XG: variants seen among roughly 807,000 people sequenced by gnomAD.
XG encodes glycoprotein Xg.
In XG, 24 loss-of-function variants were observed where a neutral mutation model predicts 25.7. The ratio of observed to expected loss-of-function variants is 0.93; its 90% confidence interval spans 0.68 to 1.31. The LOEUF is 1.31. Ranked by LOEUF, XG falls within the 40% of genes most tolerant of loss-of-function variation. XG has a pLI of 0.00. For missense variants in XG, 181 were observed against 187.6 expected (o/e 0.96, Z 0.21); for synonymous variants, 77 against 69.2 (o/e 1.11, Z -0.56).
At chrX:2,804,731 T>C (rs2086978099) in intron 7 of XG, among the ~76,000 whole-genome samples, 2 of 111,578 alleles carry the variant, frequency 1.8e-5, no homozygotes, top group South Asian at 7.8e-4. Flanking sequence ...TCCTGTGAAG[T>C]TAGTCTCGGG....
intron 10 of XG, among the ~76,000 whole-genome samples, chrX:2,814,011 G>T (rs1440681836): frequency 1.8e-5 from 2 of 112,205 alleles, no homozygotes; most frequent in Non-Finnish European, 3.8e-5. Flanking sequence ...ATATATTTAA[G>T]ATGTACAACT....
At chrX:2,787,112 A>G (rs781022921) in intron 4 of XG, among the ~76,000 whole-genome samples, 233 of 109,251 alleles carry the variant, frequency 2.1e-3, no homozygotes, top group Non-Finnish European at 3.2e-3. Flanking sequence ...GAGAGGCCTC[A>G]GGAGGAATCA....
At chrX:2,766,064 A>C (rs1439651720) in intron 1 of XG, among the ~76,000 whole-genome samples, 1 of 152,186 alleles carries the variant, frequency 6.6e-6, no homozygotes, top group East Asian at 1.9e-4. Context: ...GGTTGGACAA[A>C]AAGGGCCTGA....
At chrX:2,762,300 T>G (rs1447431271) in intron 1 of XG, among the ~76,000 whole-genome samples, 1 of 152,198 alleles carries the variant, frequency 6.6e-6, no homozygotes, top group Non-Finnish European at 1.5e-5. Flanking sequence ...ATTACCAATG[T>G]CTGCTCTAAT....
At chrX:2,779,845 C>T (rs1303817186) in intron 3 of XG, among the ~76,000 whole-genome samples, 3 of 152,098 alleles carry the variant, frequency 2.0e-5, no homozygotes, top group East Asian at 3.9e-4. Context: ...CGGGTTTTAA[C>T]CATGTTGTCC....
intron 2 of XG, among the ~76,000 whole-genome samples, chrX:2,773,812 A>G (rs1172286753): frequency 7.3e-6 from 1 of 137,642 alleles, no homozygotes; most frequent in Non-Finnish European, 1.6e-5. Context: ...GGAGAGAAGG[A>G]AGGAAGGAGA....
Position 2,814,729 on chromosome X carries a change from G to A in XG, c.*349G>A, listed in dbSNP as rs1464714702. 2.3e-5 allele frequency: 4 copies of A among 172,981 alleles called. No individual in the cohort carries two copies. Among genetic ancestry groups the A allele is most frequent in the Middle Eastern group, 2.0e-3 (1 of 496 alleles). The allele number at this position is 172,981 out of a possible 1,213,427, so 14.3% of individuals were successfully genotyped here. A position where few individuals can be genotyped will look rare whatever the true frequency, so the allele number is the denominator to read the frequency against. ...CGCTTAACCATGTTGATGGCACAAA[G>A]CGGTGAGCAGTAGGGAGGTAGAATA... On this transcript the variant is annotated 3_prime_UTR_variant, in exon 11 of 11. Transcript: ENST00000644266.
chrX:2,808,194 A>T lies in XG; in HGVS notation c.428A>T (p.His143Leu). The T allele has an allele frequency of 8.3e-7, 1 of 1,211,142 alleles. No homozygotes were observed. The highest frequency in any genetic ancestry group is 1.1e-6 in the Non-Finnish European group (1 of 895,267). Residue 143 changes from histidine (H) to leucine (L), a missense_variant, in exon 9 of 11, where the codon CAC becomes CTC. His to Leu is a moderately conservative substitution (Grantham distance 99, BLOSUM62 -3). Coordinates refer to ENST00000644266, the MANE Select transcript of XG (RefSeq NM_001141919.2). Reference sequence around the variant, plus strand: ...CCTTTTCCGCTTACAGGTGGAGATCACCATTCAACGTATGGCAATCCAGAA... The same window carrying T: ...CCTTTTCCGCTTACAGGTGGAGATCTCCATTCAACGTATGGCAATCCAGAA... ...SRYGNTYGGD[H>L]HSTYGNPEGN...
At chrX:2,773,464 AG>A (rs200459136) in intron 2 of XG, among the ~76,000 whole-genome samples, 4 of 141,972 alleles carry the variant, frequency 2.8e-5, no homozygotes, top group African/African-American at 5.2e-5. Flanking sequence ...GGAAAGAAGA[AG>A]GGGGAAAAGG....
intron 1 of XG, among the ~76,000 whole-genome samples, chrX:2,765,378 GA>G (rs2050661158): frequency 1.1e-4 from 4 of 37,046 alleles, no homozygotes; most frequent in Non-Finnish European, 3.7e-4. Flanking sequence ...GGGAGGGAGG[GA>G]AGGAAGGAAG....
chrX:2,773,905 G>A (rs764089812), intron 2 of XG, among the ~76,000 whole-genome samples: 2 of 152,126 alleles, frequency 1.3e-5, no homozygotes, highest in East Asian at 3.9e-4. Flanking sequence ...AAAAGGTGAT[G>A]AGAAACCTTC....
chrX:2,777,424 A>G (rs187783620), intron 3 of XG, among the ~76,000 whole-genome samples: 3 of 152,092 alleles, frequency 2.0e-5, no homozygotes, highest in Admixed American at 1.3e-4. Context: ...AAAAATGAAG[A>G]GTAAAATTAA....
At position 2,761,647 on chromosome X, in the gene XG, T is replaced by A. The variant is rs760013177; in HGVS notation, c.62-8903T>A. 2.3e-3 allele frequency among the ~76,000 whole-genome samples: 352 copies of A among 150,504 alleles called. 1 individual carries two copies. Among genetic ancestry groups the A allele is most frequent in the Non-Finnish European group, 2.1e-3 (142 of 67,618 alleles). On this transcript the variant is annotated intron_variant, in intron 1 of 10. Transcript: ENST00000644266. Reference sequence around the variant, plus strand: ...GGGCTGTGGGAGAATCAATGTCTGTTGCTTATAAGCCACCCAGTCTATGGT... The same window carrying A: ...GGGCTGTGGGAGAATCAATGTCTGTAGCTTATAAGCCACCCAGTCTATGGT...
chrX:2,788,371 A>C (rs949130856), intron 4 of XG, among the ~76,000 whole-genome samples: 1 of 112,547 alleles, frequency 8.9e-6, no homozygotes, highest in Admixed American at 9.4e-5. Flanking sequence ...ATGTCGTGCA[A>C]AGAGCTTGCA....
intron 3 of XG, among the ~76,000 whole-genome samples, chrX:2,777,767 T>A (rs2051032467): frequency 6.6e-6 from 1 of 152,086 alleles, no homozygotes; most frequent in Non-Finnish European, 1.5e-5. Flanking sequence ...ATGATGCAAT[T>A]TAAAATGTTT....
At chrX:2,770,498 G>T (rs2050793826) in intron 1 of XG, 52 bp from the exon 2 acceptor site, 5 of 1,608,912 alleles carry the variant, frequency 3.1e-6, no homozygotes, top group Non-Finnish European at 4.3e-6. Context: ...GAACAAGGGG[G>T]ATTCTGGCCT....
At chrX:2,774,978 T>A (rs1214967389) in intron 3 of XG, 2 of 576,412 alleles carry the variant, frequency 3.5e-6, no homozygotes, top group Non-Finnish European at 6.3e-6. Context: ...AAATAACAAG[T>A]GTTGGCAAGG....
At chrX:2,774,077 T>C (rs1434401927) in intron 2 of XG, among the ~76,000 whole-genome samples, 2 of 152,146 alleles carry the variant, frequency 1.3e-5, no homozygotes, top group African/African-American at 2.4e-5. Flanking sequence ...AACCATGCTT[T>C]CAAATACGGT....
At chrX:2,808,341 C>G (rs757506539) in intron 9 of XG, 121 bp downstream of exon 9, 614 of 932,993 alleles carry the variant, frequency 6.6e-4, no homozygotes, top group Non-Finnish European at 3.0e-4. Context: ...AGCACTCATA[C>G]TTTGTATGTA....
Sources: gnomAD v4.1 joint callset for allele counts (sites outside exome capture counted in the v4.1 genomes callset) on GRCh38, gnomAD v4.1.1 for gene constraint, MANE v1.5 for transcripts, NCBI Gene and HGNC (gene_info 2026-07-23, HGNC 2026-07-21) for gene names.